Variants in PELI2 observed in about 807,000 individuals in gnomAD.
PELI2 encodes the protein pellino E3 ubiquitin protein ligase family member 2.
In PELI2, 23 loss-of-function variants were observed where a neutral mutation model predicts 42.3. The observed-to-expected ratio is 0.54, with a 90% CI of 0.39 to 0.77. The LOEUF is 0.77. PELI2 is among the 30% of genes least tolerant of loss of function. The probability of loss-of-function intolerance (pLI) is 0.00; values close to 1 mark genes in which losing one functional copy is unlikely to be tolerated. For synonymous variants in PELI2, 245 were observed against 212.2 expected, an observed-to-expected ratio of 1.15 and a Z score of -1.34; for missense variants, 463 against 553.2, an observed-to-expected ratio of 0.84 and a Z score of 1.64.
At chr14:56,199,023 T>C (rs1361098260) in intron 2 of PELI2, among the ~76,000 whole-genome samples, 1 of 152,276 alleles carries the variant, frequency 6.6e-6, no homozygotes, top group African/African-American at 2.4e-5. Flanking sequence ...TTTACTCATA[T>C]TTTCAAAGAG....
At chr14:56,148,652 C>G (rs1884222998) in intron 1 of PELI2, among the ~76,000 whole-genome samples, 1 of 152,212 alleles carries the variant, frequency 6.6e-6, no homozygotes, top group Non-Finnish European at 1.5e-5. Context: ...TCCCACACAC[C>G]TTTTCCCTCC....
chr14:56,211,077 C>G (rs1886697153), intron 2 of PELI2, among the ~76,000 whole-genome samples: 1 of 152,134 alleles, frequency 6.6e-6, no homozygotes, highest in Non-Finnish European at 1.5e-5. Context: ...GCTGTTTTAG[C>G]CCACCGGTGG....
chr14:56,250,542 T>C (rs73292453), intron 2 of PELI2, among the ~76,000 whole-genome samples: 324 of 152,260 alleles, frequency 2.1e-3, no homozygotes, highest in African/African-American at 7.4e-3. Flanking sequence ...ATAGAGCCTC[T>C]GGCAAACCAC....
intron 3 of PELI2, among the ~76,000 whole-genome samples, chr14:56,287,751 G>A (rs899881111): frequency 8.5e-5 from 13 of 152,312 alleles, no homozygotes; most frequent in African/African-American, 3.1e-4. Flanking sequence ...CAAAAGAAAT[G>A]TAATATTGTT....
chr14:56,136,062 C>T (rs775613124), intron 1 of PELI2, among the ~76,000 whole-genome samples: 56 of 152,068 alleles, frequency 3.7e-4, no homozygotes, highest in Non-Finnish European at 6.8e-4. Context: ...AACTGGGACC[C>T]AACAGAATTC....
chr14:56,163,533 T>C (rs1884841948), intron 1 of PELI2, among the ~76,000 whole-genome samples: 1 of 152,154 alleles, frequency 6.6e-6, no homozygotes. Context: ...TTCTTTATAC[T>C]TAGGACAGCT....
intron 1 of PELI2, among the ~76,000 whole-genome samples, chr14:56,147,375 T>C (rs1204677860): frequency 6.6e-6 from 1 of 152,202 alleles, no homozygotes; most frequent in Admixed American, 6.5e-5. Flanking sequence ...TTTATTGTAT[T>C]ACTGGCAACA....
chr14:56,241,989 C>T lies in PELI2; in HGVS notation c.208-37687C>T, dbSNP rs368323351. Among the ~76,000 whole-genome samples the T allele has an allele frequency of 1.8e-3, 273 of 152,204 alleles. 1 individual carries two copies. The highest frequency in any genetic ancestry group is 5.4e-3 in the African/African-American group (225 of 41,528). On this transcript the variant is annotated intron_variant, in intron 2 of 5. Transcript: ENST00000267460. ...GGAAACGAGATCCAGCACAAGAAGG[C>T]GGCAAAGGGAATTCCCAGGATGGTG...
intron 2 of PELI2, among the ~76,000 whole-genome samples, chr14:56,272,746 T>A (rs1314236759): frequency 6.6e-6 from 1 of 152,242 alleles, no homozygotes; most frequent in Non-Finnish European, 1.5e-5. Flanking sequence ...AATGCATATT[T>A]GCTTTAAACA....
At chr14:56,204,731 A>G (rs1594636818) in intron 2 of PELI2, among the ~76,000 whole-genome samples, 1 of 152,162 alleles carries the variant, frequency 6.6e-6, no homozygotes, top group South Asian at 2.1e-4. Context: ...GTGGGAGTCT[A>G]TGAGTTAGGG....
chr14:56,154,400 A>T (rs374545702), intron 1 of PELI2, among the ~76,000 whole-genome samples: 1 of 152,284 alleles, frequency 6.6e-6, no homozygotes, highest in African/African-American at 2.4e-5. Flanking sequence ...AGATGATTGT[A>T]TTATGGGGTG....
chr14:56,283,904 C>A (rs1424658505), intron 3 of PELI2, among the ~76,000 whole-genome samples: 1 of 152,152 alleles, frequency 6.6e-6, no homozygotes, highest in Non-Finnish European at 1.5e-5. Context: ...AAAAGACAGG[C>A]TTGTTTCCAT....
intron 2 of PELI2, among the ~76,000 whole-genome samples, chr14:56,231,679 T>TA (rs1887577798): frequency 1.3e-5 from 2 of 152,094 alleles, no homozygotes. Flanking sequence ...ATTGACACCC[T>TA]AACATCACAA....
intron 2 of PELI2, among the ~76,000 whole-genome samples, chr14:56,196,551 C>G (rs1219306279): frequency 2.0e-5 from 3 of 152,212 alleles, no homozygotes; most frequent in Admixed American, 6.5e-5. Context: ...TTTGTACATT[C>G]TTTTCTCTTG....
rs1164315576 is a variant in PELI2, at chr14:56,180,770, C to G, written c.207+2306C>G. Reference sequence around the variant, plus strand: ...CCTTACTCCTGCTCCCTCTCAAACTCTCATCCCTGCCAGCTGTGCCAGGCC... The same window carrying G: ...CCTTACTCCTGCTCCCTCTCAAACTGTCATCCCTGCCAGCTGTGCCAGGCC... On this transcript the variant is annotated intron_variant, in intron 2 of 5. Transcript: ENST00000267460. This position sits in a 1 kb window ranked among gnomAD's most constrained non-coding sequence, Gnocchi z 4.4. 6.6e-6 allele frequency among the ~76,000 whole-genome samples: 1 copy of G among 152,158 alleles called. No homozygotes were observed. The highest frequency in any genetic ancestry group is 1.5e-5 in the Non-Finnish European group (1 of 68,020).
chr14:56,176,463 G>A (rs1291305579), intron 1 of PELI2, among the ~76,000 whole-genome samples: 1 of 152,134 alleles, frequency 6.6e-6, no homozygotes, highest in Non-Finnish European at 1.5e-5. Flanking sequence ...AACCACAACT[G>A]CATATAAAAG....
chr14:56,210,123 T>A (rs1009227575), intron 2 of PELI2, among the ~76,000 whole-genome samples: 1 of 152,052 alleles, frequency 6.6e-6, no homozygotes, highest in Non-Finnish European at 1.5e-5. Flanking sequence ...AAATTTTGCC[T>A]GGTTCTTAGA....
intron 2 of PELI2, among the ~76,000 whole-genome samples, chr14:56,247,422 G>A (rs1465195506): frequency 6.6e-6 from 1 of 152,198 alleles, no homozygotes; most frequent in African/African-American, 2.4e-5. Flanking sequence ...TGGTGCAGGG[G>A]ACTGCTTGAG....
intron 1 of PELI2, among the ~76,000 whole-genome samples, chr14:56,166,992 T>C (rs577753378): frequency 2.6e-5 from 4 of 152,244 alleles, no homozygotes; most frequent in African/African-American, 9.6e-5. Flanking sequence ...CATTTCACCA[T>C]GTTAGCCAGG....
Sources: gnomAD v4.1 joint callset for allele counts (sites outside exome capture counted in the v4.1 genomes callset) on GRCh38, gnomAD v4.1.1 for gene constraint, Gnocchi (gnomAD v3.1) non-coding constraint, MANE v1.5 for transcripts, NCBI Gene and HGNC (gene_info 2026-07-23, HGNC 2026-07-21) for gene names.